Variants in SETD3 observed in about 807,000 individuals in gnomAD.
SETD3 encodes the protein SET domain containing 3, actin N3(tau)-histidine methyltransferase.
A neutral mutation model predicts 63.0 loss-of-function variants in SETD3; 19 were observed. The observed-to-expected ratio is 0.30, with a 90% CI of 0.21 to 0.44. The LOEUF (loss-of-function observed/expected upper bound fraction) is 0.44. Ranked by LOEUF, SETD3 falls within the 20% of genes least tolerant of loss-of-function variation. SETD3 has a pLI of 1.00. For synonymous variants in SETD3, 286 were observed against 264.1 expected, an observed-to-expected ratio of 1.08 and a Z score of -0.80; for missense variants, 587 against 728.5, an observed-to-expected ratio of 0.81 and a Z score of 2.24.
chr14:99,426,521 G>A (rs754981654), intron 6 of SETD3, among the ~76,000 whole-genome samples: 1 of 152,204 alleles, frequency 6.6e-6, no homozygotes, highest in Non-Finnish European at 1.5e-5. Flanking sequence ...AATGTGGGGA[G>A]AGGGCGGAAG....
chr14:99,415,428 T>C (rs1414838612), intron 6 of SETD3, among the ~76,000 whole-genome samples: 1 of 152,218 alleles, frequency 6.6e-6, no homozygotes, highest in African/African-American at 2.4e-5. Context: ...AAGAGTCTTC[T>C]AACTCTCAAA....
chr14:99,420,339 T>C (rs1332875491), intron 6 of SETD3, among the ~76,000 whole-genome samples: 3 of 152,178 alleles, frequency 2.0e-5, no homozygotes, highest in Non-Finnish European at 2.9e-5. Flanking sequence ...AAAGAATTCC[T>C]CTTCTTTTTT....
chr14:99,420,022 T>C (rs1289021395), intron 6 of SETD3, among the ~76,000 whole-genome samples: 1 of 152,194 alleles, frequency 6.6e-6, no homozygotes, highest in Non-Finnish European at 1.5e-5. Flanking sequence ...CTGATATCAT[T>C]AGGGGGTACT....
At chr14:99,440,180 T>C (rs752800109) in intron 6 of SETD3, among the ~76,000 whole-genome samples, 1 of 152,216 alleles carries the variant, frequency 6.6e-6, no homozygotes, top group African/African-American at 2.4e-5. Flanking sequence ...TTCTTCCCGA[T>C]GAGACTGAAT....
At chr14:99,477,440 A>G (rs1896029556) in intron 1 of SETD3, among the ~76,000 whole-genome samples, 1 of 152,120 alleles carries the variant, frequency 6.6e-6, no homozygotes, top group Non-Finnish European at 1.5e-5. Context: ...TTTTCAAAAG[A>G]CTATTAAGTA....
chr14:99,459,483 G>A (rs1455295342), intron 4 of SETD3, among the ~76,000 whole-genome samples: 1 of 152,206 alleles, frequency 6.6e-6, no homozygotes, highest in African/African-American at 2.4e-5. Context: ...AACATTTGGA[G>A]TAGAGCATAA....
Position 99,406,595 on chromosome 14 carries a change from C to A in SETD3, c.850-5G>T. 2 of 1,613,932 alleles carry A rather than the reference C, an allele frequency of 1.2e-6. No individual in the cohort carries two copies. Among genetic ancestry groups the A allele is most frequent in the Non-Finnish European group, 1.7e-6 (2 of 1,179,850 alleles). ...CAGGTTGTAACCAGTAGTGATCTAG[C>A]CCGGGGAGGAGGAAGGAAATGATGG... On this transcript the variant is annotated splice_polypyrimidine_tract_variant and splice_region_variant and intron_variant, in intron 8 of 12. Transcript: ENST00000331768.
At chr14:99,446,242 C>T (rs974067585) in intron 6 of SETD3, among the ~76,000 whole-genome samples, 5 of 152,160 alleles carry the variant, frequency 3.3e-5, no homozygotes, top group Admixed American at 2.0e-4. Context: ...CATTTGGAGG[C>T]GCCAAGGAAC....
intron 11 of SETD3, 67 bp downstream of exon 11, chr14:99,404,158 T>G: frequency 7.6e-7 from 1 of 1,322,858 alleles, no homozygotes; most frequent in Non-Finnish European, 1.1e-6. Context: ...TCTGAATCCC[T>G]ATGCTTTACA....
In SETD3 at chr14:99,405,210, G is replaced by A. The variant is rs757558538; in HGVS notation, c.1086C>T (p.Ile362=). ...ACCGATGTTTTTCTACGTACGTGGGGATGCCGGCACGAGCCAAGACCTCGG... is the reference window on the plus strand; with the variant it reads ...ACCGATGTTTTTCTACGTACGTGGGAATGCCGGCACGAGCCAAGACCTCGG... ...MKAEVLARAG[I]PTSSVFALHF... is the part of the protein sequence containing the mutation. Residue 362 remains isoleucine (I), a synonymous_variant, in exon 10 of 13, where the codon ATC becomes ATT. Coordinates refer to ENST00000331768, the MANE Select transcript of SETD3 (RefSeq NM_032233.3). The A allele has an allele frequency of 1.9e-6, 3 of 1,612,156 alleles. No individual in the cohort carries two copies. Among genetic ancestry groups the A allele is most frequent in the South Asian group, 2.2e-5 (2 of 90,544 alleles).
chr14:99,400,822 C>T (rs573081781), intron 11 of SETD3, among the ~76,000 whole-genome samples: 2 of 152,284 alleles, frequency 1.3e-5, no homozygotes, highest in Non-Finnish European at 2.9e-5. Context: ...TCAAACAGTG[C>T]TACCATAAGG....
At chr14:99,454,890 C>T (rs1894670080) in intron 6 of SETD3, among the ~76,000 whole-genome samples, 1 of 152,246 alleles carries the variant, frequency 6.6e-6, no homozygotes, top group South Asian at 2.1e-4. Flanking sequence ...AGGAAACTGA[C>T]TCCTAACAAC....
intron 8 of SETD3, among the ~76,000 whole-genome samples, chr14:99,408,767 T>C (rs1282713627): frequency 6.6e-6 from 1 of 152,188 alleles, no homozygotes; most frequent in Non-Finnish European, 1.5e-5. Context: ...AACTTCTTTG[T>C]GTGGCACTGC....
intron 11 of SETD3, among the ~76,000 whole-genome samples, chr14:99,403,430 T>TACAC (rs762669151): frequency 2.2e-4 from 29 of 133,150 alleles, no homozygotes; most frequent in African/African-American, 3.9e-4. Flanking sequence ...CAGCAAAACA[T>TACAC]ACACACACAC....
chr14:99,445,482 C>T (rs1204863260), intron 6 of SETD3, among the ~76,000 whole-genome samples: 1 of 152,210 alleles, frequency 6.6e-6, no homozygotes, highest in African/African-American at 2.4e-5. Flanking sequence ...AGCTGATGTC[C>T]TGGAGGGTCC....
At chr14:99,438,594 A>G (rs1228285010) in intron 6 of SETD3, among the ~76,000 whole-genome samples, 1 of 152,216 alleles carries the variant, frequency 6.6e-6, no homozygotes, top group East Asian at 1.9e-4. Flanking sequence ...CGAACTCTTC[A>G]CATCCAGTTT....
intron 6 of SETD3, among the ~76,000 whole-genome samples, chr14:99,419,069 G>C (rs1892435567): frequency 6.6e-6 from 1 of 152,090 alleles, no homozygotes; most frequent in Non-Finnish European, 1.5e-5. Context: ...CCATAAATCA[G>C]AATCAAAACA....
chr14:99,457,005 T>C (rs945991777), intron 6 of SETD3, among the ~76,000 whole-genome samples: 2 of 152,136 alleles, frequency 1.3e-5, no homozygotes, highest in South Asian at 2.1e-4. Flanking sequence ...CAAGAGAAAA[T>C]GACAAATACT....
chr14:99,408,597 T>A (rs1057107529), intron 8 of SETD3, among the ~76,000 whole-genome samples: 3 of 152,030 alleles, frequency 2.0e-5, no homozygotes, highest in Non-Finnish European at 2.9e-5. Context: ...TATGGGTGTT[T>A]AAGGGTATTT....
Sources: allele counts gnomAD v4.1 joint callset (sites outside exome capture counted in the v4.1 genomes callset), GRCh38; gene constraint gnomAD v4.1.1; transcripts MANE v1.5; gene names NCBI Gene and HGNC (gene_info 2026-07-23, HGNC 2026-07-21).